LTBP3: variants seen among roughly 807,000 people sequenced by gnomAD.
LTBP3 encodes the protein latent transforming growth factor beta binding protein 3.
Under a neutral mutation model 159.7 loss-of-function variants are expected in LTBP3, and 97 were observed. The ratio of observed to expected loss-of-function variants is 0.61; its 90% CI spans 0.52 to 0.72. LTBP3 has a LOEUF of 0.72. LTBP3 is among the 30% of genes least tolerant of loss of function. LTBP3 has a pLI of 0.00. For missense variants in LTBP3, 1,584 were observed against 1,864.3 expected (o/e 0.85, Z 2.77); for synonymous variants, 824 against 777.1 (o/e 1.06, Z -1.00).
intron 21 of LTBP3, 109 bp from the exon 22 acceptor site, chr11:65,540,723 G>A: frequency 6.4e-7 from 1 of 1,564,142 alleles, no homozygotes; most frequent in Non-Finnish European, 8.7e-7. Context: ...CTACAGGAGG[G>A]GCGGGGCCTA....
Position 65,546,747 on chromosome 11 carries a change from G to T in LTBP3, c.2230+51C>A, listed in dbSNP as rs1277571165. On this transcript the variant is annotated intron_variant, in intron 15 of 27. Transcript: ENST00000301873. The surrounding 1 kb of genome is among the most constrained non-coding windows in gnomAD (Gnocchi z 4.0). The stretch of plus-strand genomic sequence containing the variant: ...GCCCCGCCCCCAGCGGAGCCAGACT[G>T]GGGGAGGCACCTGACGGCCCCACCC... 5 of 1,538,990 alleles carry T rather than the reference G, an allele frequency of 3.2e-6. No individual in the cohort carries two copies. Among genetic ancestry groups the T allele is most frequent in the Non-Finnish European group, 4.4e-6 (5 of 1,135,360 alleles).
Position 65,552,921 on chromosome 11 carries a change from G to T in LTBP3, c.1125C>A (p.Gly375=). 1 of 1,614,222 alleles carries T rather than the reference G, an allele frequency of 6.2e-7. No individual in the cohort carries two copies. Among genetic ancestry groups the T allele is most frequent in the Non-Finnish European group, 8.5e-7 (1 of 1,180,026 alleles). ...CAGGTGGGCAGACACAGCGATAGGA[G>T]CCAGGGTTGTTGAGGCAGTCACCAT... ...CRHGDCLNNP[G]SYRCVCPPGH... Residue 375 remains glycine, a synonymous_variant, in exon 6 of 28, where the codon GGC becomes GGA. Transcript: ENST00000301873. This position sits in a 1 kb window ranked among gnomAD's most constrained non-coding sequence, Gnocchi z 6.0.
Position 65,551,355 on chromosome 11 carries a change from C to G in LTBP3, c.1621+47G>C, listed in dbSNP as rs1256100736. 4 of 1,602,394 alleles carry G rather than the reference C, an allele frequency of 2.5e-6. No homozygotes were observed. The East Asian group carries it at 8.9e-5, about 36-fold the overall frequency. On this transcript the variant is annotated intron_variant, in intron 10 of 27. Coordinates refer to ENST00000301873, the MANE Select transcript of LTBP3 (RefSeq NM_001130144.3). The stretch of plus-strand genomic sequence containing the variant: ...CTTAAACTGTGAACTCCCCGCCCAC[C>G]CAGTGATTTAGCCCTTGAGGACTCA...
At position 65,555,422 on chromosome 11, in the gene LTBP3, C is replaced by G. The variant is rs944891167; in HGVS notation, c.332-1042G>C. 5.3e-5 allele frequency among the ~76,000 whole-genome samples: 8 copies of G among 152,236 alleles called. No individual in the cohort carries two copies. The East Asian group carries it at 5.8e-4, about 11-fold the overall frequency. On this transcript the variant is annotated intron_variant, in intron 1 of 27. Coordinates refer to ENST00000301873, the MANE Select transcript of LTBP3 (RefSeq NM_001130144.3). ...CACAACAGGGCCCCAGGTCCCCCCC[C>G]TCTCTATATATGCAGATCTCATCCT...
chr11:65,541,508 T>G, intron 19 of LTBP3, 92 bp downstream of exon 19: 2 of 1,592,598 alleles, frequency 1.3e-6, no homozygotes, highest in Non-Finnish European at 1.7e-6. Flanking sequence ...GTTCCCCAAA[T>G]TTAGGAGGGT....
chr11:65,551,897 T>TC (rs1437499175), intron 8 of LTBP3, 75 bp downstream of exon 8: 1 of 1,504,418 alleles, frequency 6.6e-7, no homozygotes, highest in Non-Finnish European at 9.2e-7. Flanking sequence ...TGAGGTCAGA[T>TC]CTGTGGATCA....
rs1366451548 is a variant in LTBP3, at chr11:65,538,912, C to CA, written c.*167_*168insT. ...CGGAGACCTTACAACCGCCCGCTAACCGGGGAGGGGGGCCGGTAGGGGCGC... is the reference window on the plus strand; with the variant it reads ...CGGAGACCTTACAACCGCCCGCTAACACGGGGAGGGGGGCCGGTAGGGGCGC... On this transcript the variant is annotated 3_prime_UTR_variant, in exon 28 of 28. Coordinates refer to ENST00000301873, the MANE Select transcript of LTBP3 (RefSeq NM_001130144.3). 2 of 1,262,214 alleles carry CA rather than the reference C, an allele frequency of 1.6e-6. No homozygotes were observed. Among genetic ancestry groups the CA allele is most frequent in the East Asian group, 6.2e-5 (2 of 32,214 alleles). 78.2% of individuals were successfully genotyped at this position (1,262,214 alleles called of 1,614,324 possible).
At position 65,542,936 on chromosome 11, in the gene LTBP3, G is replaced by A. The variant is rs1490440142; in HGVS notation, c.2596+169C>T. ...TGGAAGGATGGATGGATAGAAGGAT[G>A]GATGGATGGATGGATGGATGGATGG... On this transcript the variant is annotated intron_variant, in intron 18 of 27. Transcript: ENST00000301873. The A allele has an allele frequency of 5.7e-6, 4 of 698,694 alleles. No individual in the cohort carries two copies. In the African/African-American group the frequency reaches 6.6e-5, roughly 12 times the overall value. 43.3% of individuals were successfully genotyped at this position (698,694 alleles called of 1,614,324 possible). A position where few individuals can be genotyped will look rare whatever the true frequency, so the allele number is the denominator to read the frequency against.
rs1304565717 is a variant in LTBP3 at position 65,552,881 on chromosome 11, G to A, written c.1165C>T (p.Pro389Ser). 1.9e-6 allele frequency: 3 copies of A among 1,614,178 alleles called. No homozygotes were observed. Among genetic ancestry groups the A allele is most frequent in the Middle Eastern group, 1.6e-4 (1 of 6,062 alleles). Reference protein sequence around the residue: ...CVCPPGHSLGPSRTQCIADKP... With the variant: ...CVCPPGHSLGSSRTQCIADKP... ...TCACCAATGCACTGTGTACGGGAGG[G>A]GCCTAAACTATGGCCAGGTGGGCAG... Residue 389 changes from proline (P) to serine (S), a missense_variant, in exon 6 of 28, where the codon CCC (proline) becomes TCC (serine). Transcript: ENST00000301873. The surrounding 1 kb of genome is among the most constrained non-coding windows in gnomAD (Gnocchi z 6.0).
chr11:65,558,127 G>A lies in LTBP3; in HGVS notation c.-168C>T. The A allele has an allele frequency of 9.2e-7, 1 of 1,082,150 alleles. No individual in the cohort carries two copies. 67.0% of individuals were successfully genotyped at this position (1,082,150 alleles called of 1,614,324 possible). On this transcript the variant is annotated 5_prime_UTR_variant, in exon 1 of 28. Coordinates refer to ENST00000301873, the MANE Select transcript of LTBP3 (RefSeq NM_001130144.3). ...CCGCGGGGGCCCGGCGGGAGGCGCG[G>A]AGATGCAGACTGGACAGCGGGGAGC... is the stretch of plus-strand genomic sequence containing the variant.
intron 1 of LTBP3, among the ~76,000 whole-genome samples, chr11:65,556,707 T>C (rs1294844282): frequency 1.3e-5 from 2 of 152,132 alleles, no homozygotes; most frequent in Non-Finnish European, 2.9e-5. Flanking sequence ...CATGACAAAT[T>C]TGAGCCACAT....
chr11:65,546,806 G>A lies in LTBP3; in HGVS notation c.2222C>T (p.Ala741Val), dbSNP rs148780991. Residue 741 changes from alanine to valine, a missense_variant, in exon 15 of 28, where the codon GCC becomes GTC. Ala to Val is a moderately conservative substitution (Grantham distance 64, BLOSUM62 0). Coordinates refer to ENST00000301873, the MANE Select transcript of LTBP3 (RefSeq NM_001130144.3). This position sits in a 1 kb window ranked among gnomAD's most constrained non-coding sequence, Gnocchi z 4.0. The stretch of plus-strand genomic sequence containing the variant: ...CCGGGCCCCGCCCTCACCGCGACAG[G>A]CCCCGCCCCCCTGGCTGCGGTAGCC... The part of the protein sequence containing the change: ...QPGYRSQGGG[A>V]CRDVNECAEG... 5 of 1,604,382 alleles carry A rather than the reference G, an allele frequency of 3.1e-6. No individual in the cohort carries two copies. In the African/African-American group the frequency reaches 4.0e-5, roughly 13 times the overall value.
chr11:65,551,321 C>T (rs1856604619), intron 10 of LTBP3, 81 bp downstream of exon 10: 2 of 1,558,190 alleles, frequency 1.3e-6, no homozygotes. Flanking sequence ...GCTTGACTGT[C>T]CCCGAGTACT....
rs1178286045 is a variant in LTBP3, at chr11:65,552,950, G to A, written c.1096C>T (p.Arg366Cys). 1.2e-6 allele frequency: 2 copies of A among 1,614,174 alleles called. No homozygotes were observed. Among genetic ancestry groups the A allele is most frequent in the Non-Finnish European group, 1.7e-6 (2 of 1,180,030 alleles). ...INECAMPGVC[R>C]HGDCLNNPGS... ...GGGTTGTTGAGGCAGTCACCATGGC[G>A]ACACACGCCCGGCATTGCGCACTCG... Residue 366 changes from arginine (R) to cysteine (C), a missense_variant, in exon 6 of 28, where the codon CGC becomes TGC. Arg to Cys is a radical substitution (Grantham distance 180). This residue lies in a region of LTBP3 where 156 missense variants were observed against 259.7 expected (regional missense o/e 0.60). Transcript: ENST00000301873. This position sits in a 1 kb window ranked among gnomAD's most constrained non-coding sequence, Gnocchi z 6.0.
rs986378455 is a variant in LTBP3, at chr11:65,554,718, C to A, written c.332-338G>T. Among the ~76,000 whole-genome samples, 1 of 152,084 alleles carries A rather than the reference C, an allele frequency of 6.6e-6. No individual in the cohort carries two copies. The highest frequency in any genetic ancestry group is 1.5e-5 in the Non-Finnish European group (1 of 67,990). ...CAAATGCTTACCCCAGGGCCTGGTA[C>A]ACAAAGGGTGCTTAATAAGTGGTAG... On this transcript the variant is annotated intron_variant, in intron 1 of 27. Transcript: ENST00000301873. The surrounding 1 kb of genome is among the most constrained non-coding windows in gnomAD (Gnocchi z 5.3).
At chr11:65,542,967 T>A in intron 18 of LTBP3, 138 bp downstream of exon 18, 1 of 1,104,582 alleles carries the variant, frequency 9.1e-7, no homozygotes, top group South Asian at 1.2e-5. Flanking sequence ...GATGGATGGA[T>A]GGATGGATAG....
chr11:65,549,593 G>GTTTTTTTTTTTTTTTTTTTTTT, intron 11 of LTBP3, among the ~76,000 whole-genome samples: 1 of 109,890 alleles, frequency 9.1e-6, no homozygotes, highest in Non-Finnish European at 1.7e-5. Context: ...TTTTTTTTTG[G>GTTTTTTTTTTTTTTTTTTTTTT]ATTTTTAGTA....
chr11:65,555,686 C>T (rs571300750), intron 1 of LTBP3, among the ~76,000 whole-genome samples: 1 of 152,320 alleles, frequency 6.6e-6, no homozygotes, highest in African/African-American at 2.4e-5. Flanking sequence ...GAGGATGGGA[C>T]CTCTGTCTGT....
chr11:65,547,703 C>CCG lies in LTBP3; in HGVS notation c.1964_1965insCG (p.Arg656GlyfsTer7). ...GGCGGCGCTCACCCACGCACGAGCGCCCCCCGGCGCCCACGTGCAGGCGGT... is the reference window on the plus strand; with the variant it reads ...GGCGGCGCTCACCCACGCACGAGCGCCGCCCCCGGCGCCCACGTGCAGGCGGT... On this transcript the variant is annotated frameshift_variant, in exon 13 of 28. Coordinates refer to ENST00000301873, the MANE Select transcript of LTBP3 (RefSeq NM_001130144.3). LOFTEE classifies it high-confidence loss of function. The surrounding 1 kb of genome is among the most constrained non-coding windows in gnomAD (Gnocchi z 4.6). The CCG allele has an allele frequency of 6.2e-7, 1 of 1,604,038 alleles. No homozygotes were observed. The highest frequency in any genetic ancestry group is 1.3e-5 in the African/African-American group (1 of 74,810).
Sources: gnomAD v4.1 joint callset for allele counts (sites outside exome capture counted in the v4.1 genomes callset) on GRCh38, gnomAD v4.1.1 for gene constraint, gnomAD v4.1.1 regional missense constraint, Gnocchi (gnomAD v3.1) non-coding constraint, MANE v1.5 for transcripts, NCBI Gene and HGNC (gene_info 2026-07-23, HGNC 2026-07-21) for gene names.